Variants in COL25A1 observed in about 807,000 individuals in gnomAD.
The protein encoded by COL25A1 is collagen type XXV alpha 1 chain.
Under a neutral mutation model 128.4 loss-of-function variants are expected in COL25A1, and 103 were observed. That is an observed-to-expected ratio of 0.80 (90% CI 0.68 to 0.94). The LOEUF is 0.94. COL25A1 is among the 40% of genes least tolerant of loss of function. The pLI is 0.00. For synonymous variants in COL25A1, 279 were observed against 277.2 expected, an observed-to-expected ratio of 1.01 and a Z score of -0.06; for missense variants, 745 against 840.0, an observed-to-expected ratio of 0.89 and a Z score of 1.40.
chr4:109,277,567 C>T (rs113813600), intron 3 of COL25A1, among the ~76,000 whole-genome samples: 3,168 of 152,236 alleles, frequency 0.021, 114 homozygotes, highest in African/African-American at 0.071. Context: ...ATCAGAACAA[C>T]GTCCCCAGAC....
chr4:109,244,730 T>C (rs529055991), intron 3 of COL25A1, among the ~76,000 whole-genome samples: 1 of 152,212 alleles, frequency 6.6e-6, no homozygotes, highest in South Asian at 2.1e-4. Flanking sequence ...ACTAAACATA[T>C]ACAATCACAG....
chr4:109,053,141 C>CA lies in COL25A1; in HGVS notation c.368-2963dup, dbSNP rs1324418551. ...TCAATGAAGAATGAATTACAGAAAACAGAGAGAGACGACAAAACCAGATTG... is the reference window on the plus strand; with the variant it reads ...TCAATGAAGAATGAATTACAGAAAACAAGAGAGAGACGACAAAACCAGATTG... On this transcript the variant is annotated intron_variant, in intron 3 of 37. Transcript: ENST00000399132. 5.3e-5 allele frequency among the ~76,000 whole-genome samples: 8 copies of CA among 152,186 alleles called. No individual in the cohort carries two copies. In the East Asian group the frequency reaches 1.5e-3, roughly 29 times the overall value.
At chr4:109,113,261 C>G (rs1234641907) in intron 3 of COL25A1, among the ~76,000 whole-genome samples, 1 of 152,062 alleles carries the variant, frequency 6.6e-6, no homozygotes, top group Non-Finnish European at 1.5e-5. Flanking sequence ...TTTTGCAGCT[C>G]TGGGAAGAGA....
chr4:108,815,694 C>G (rs1731187094), intron 37 of COL25A1, among the ~76,000 whole-genome samples: 1 of 152,034 alleles, frequency 6.6e-6, no homozygotes, highest in East Asian at 1.9e-4. Flanking sequence ...ATATTACTAC[C>G]AGTAATATGA....
chr4:109,006,034 AAAG>A lies in COL25A1; in HGVS notation c.438+4321_438+4323del, dbSNP rs571130554. Among the ~76,000 whole-genome samples the A allele has an allele frequency of 3.2e-3, 481 of 152,324 alleles. 3 individuals are homozygous for A. Among genetic ancestry groups the A allele is most frequent in the African/African-American group, 0.011 (474 of 41,552 alleles). On this transcript the variant is annotated intron_variant, in intron 6 of 37. Coordinates refer to ENST00000399132, the MANE Select transcript of COL25A1 (RefSeq NM_198721.4). ...AGTAGGTATCATTTTGAGTCAACAA[AAAG>A]AAGAGGAAAAAAGAAAAAGAAGATA...
rs1420193526 is a variant in COL25A1 at position 109,265,027 on chromosome 4, A to G, written c.367+35556T>C. Among the ~76,000 whole-genome samples, 3 of 152,326 alleles carry G rather than the reference A, an allele frequency of 2.0e-5. No individual in the cohort carries two copies. In the East Asian group the frequency reaches 5.8e-4, roughly 29 times the overall value. The stretch of plus-strand genomic sequence containing the variant: ...TAATGCCTTTTTTTGTATAAAGAAA[A>G]TGGAAAGTAAGTTCAGGTCCAAGTT... On this transcript the variant is annotated intron_variant, in intron 3 of 37. Transcript: ENST00000399132.
At chr4:108,941,516 A>G in intron 8 of COL25A1, 79 bp from the exon 9 acceptor site, 1 of 980,632 alleles carries the variant, frequency 1.0e-6, no homozygotes, top group Non-Finnish European at 1.6e-6. Flanking sequence ...GCCCCAAGAA[A>G]GAAATAAAGA....
chr4:109,289,162 CTG>C (rs1446717129), intron 3 of COL25A1, among the ~76,000 whole-genome samples: 16 of 152,114 alleles, frequency 1.1e-4, no homozygotes, highest in Non-Finnish European at 1.8e-4. Context: ...TGTTTTATAA[CTG>C]TGTAAGTTGT....
intron 27 of COL25A1, 41 bp downstream of exon 27, chr4:108,848,718 G>C: frequency 7.3e-7 from 1 of 1,376,912 alleles, no homozygotes; most frequent in Non-Finnish European, 1.0e-6. Context: ...TAGTAATCAA[G>C]AATGATGCTT....
intron 32 of COL25A1, among the ~76,000 whole-genome samples, chr4:108,827,838 T>C (rs1246765379): frequency 6.6e-6 from 1 of 152,106 alleles, no homozygotes; most frequent in Non-Finnish European, 1.5e-5. Context: ...CCTTTCCTTC[T>C]ATCAAAAAAC....
chr4:109,211,222 T>TGTTG (rs1553960131), intron 3 of COL25A1, among the ~76,000 whole-genome samples: 1 of 141,338 alleles, frequency 7.1e-6, no homozygotes. Context: ...TATATATATA[T>TGTTG]TGTGTGTGTG....
intron 11 of COL25A1, among the ~76,000 whole-genome samples, chr4:108,931,494 C>CT (rs1746735617): frequency 6.6e-6 from 1 of 152,162 alleles, no homozygotes; most frequent in South Asian, 2.1e-4. Context: ...GCTGTTGAGA[C>CT]TGTCTTTCTG....
rs778298767 is a variant in COL25A1 at position 108,859,740 on chromosome 4, C to T, written c.1243-7G>A. 4 of 1,612,158 alleles carry T rather than the reference C, an allele frequency of 2.5e-6. No homozygotes were observed. The East Asian group carries it at 6.7e-5, about 27-fold the overall frequency. The stretch of plus-strand genomic sequence containing the variant: ...CTTTTTGACCAGGTGGACCCTATGA[C>T]AAAACCAATCAAGGGAAAATCATGG... On this transcript the variant is annotated splice_region_variant and splice_polypyrimidine_tract_variant and intron_variant, in intron 23 of 37. Coordinates refer to ENST00000399132, the MANE Select transcript of COL25A1 (RefSeq NM_198721.4).
chr4:108,926,794 CAT>C (rs1386797256), intron 11 of COL25A1, among the ~76,000 whole-genome samples: 4 of 151,848 alleles, frequency 2.6e-5, no homozygotes, highest in South Asian at 4.2e-4. Flanking sequence ...GGTTAAGAAA[CAT>C]AAACTCTAGC....
In COL25A1 at chr4:109,262,690, TAG is replaced by T. The variant is rs1781533538; in HGVS notation, c.367+37891_367+37892del. Among the ~76,000 whole-genome samples, 3 of 152,292 alleles carry T rather than the reference TAG, an allele frequency of 2.0e-5. No homozygotes were observed. The South Asian group carries it at 6.2e-4, about 32-fold the overall frequency. ...TTTGCAAAATGCATACTTATTTCTT[TAG>T]AGTTTCTTTAATAAAAGTCACAATA... On this transcript the variant is annotated intron_variant, in intron 3 of 37. Coordinates refer to ENST00000399132, the MANE Select transcript of COL25A1 (RefSeq NM_198721.4).
intron 15 of COL25A1, 143 bp from the exon 16 acceptor site, chr4:108,896,854 T>C (rs959411156): frequency 1.8e-5 from 13 of 703,134 alleles, no homozygotes; most frequent in African/African-American, 1.8e-4. Flanking sequence ...GTATTTATAC[T>C]TGACCAGTTG....
intron 3 of COL25A1, among the ~76,000 whole-genome samples, chr4:109,286,667 T>C (rs768592877): frequency 1.3e-5 from 2 of 152,068 alleles, no homozygotes; most frequent in African/African-American, 2.4e-5. Flanking sequence ...ATCTAGTGGA[T>C]AGAAACAAAG....
chr4:108,860,119 A>C (rs1240587874), intron 23 of COL25A1, among the ~76,000 whole-genome samples: 1 of 152,050 alleles, frequency 6.6e-6, no homozygotes, highest in Non-Finnish European at 1.5e-5. Context: ...TTGCTTCCTC[A>C]TTCTTTTTTT....
intron 3 of COL25A1, among the ~76,000 whole-genome samples, chr4:109,297,057 C>G (rs937151368): frequency 6.6e-6 from 1 of 152,054 alleles, no homozygotes; most frequent in African/African-American, 2.4e-5. Flanking sequence ...GGTTTGGTTA[C>G]TGCTAAACCA....
Sources: gnomAD v4.1 joint callset for allele counts (sites outside exome capture counted in the v4.1 genomes callset) on GRCh38, gnomAD v4.1.1 for gene constraint, MANE v1.5 for transcripts, NCBI Gene and HGNC (gene_info 2026-07-23, HGNC 2026-07-21) for gene names.